The following NFIA variants were observed in gnomAD, a reference collection of about 807,000 sequenced individuals.
NFIA encodes the protein nuclear factor 1 A-type.
Under a neutral mutation model 62.8 loss-of-function variants are expected in NFIA, and 8 were observed. The ratio of observed to expected loss-of-function variants is 0.13; its 90% confidence interval spans 0.07 to 0.23. The LOEUF is 0.23. Ranked by LOEUF, NFIA falls within the 10% of genes least tolerant of loss-of-function variation. NFIA has a pLI of 1.00. For synonymous variants in NFIA, 235 were observed against 238.1 expected, an observed-to-expected ratio of 0.99 and a Z score of 0.12; for missense variants, 410 against 642.1, an observed-to-expected ratio of 0.64 and a Z score of 3.91.
intron 2 of NFIA, among the ~76,000 whole-genome samples, chr1:61,206,830 C>T (rs1378976667): frequency 6.6e-6 from 1 of 152,132 alleles, no homozygotes; most frequent in Admixed American, 6.6e-5. Context: ...TACCTCATGG[C>T]AGCACACACA....
intron 2 of NFIA, among the ~76,000 whole-genome samples, chr1:61,247,167 G>A (rs1557659811): frequency 1.3e-5 from 2 of 152,244 alleles, no homozygotes; most frequent in Admixed American, 1.3e-4. Flanking sequence ...CTCTTAAAAG[G>A]AGCTTACAAC....
chr1:61,317,839 C>G (rs943177874), intron 3 of NFIA, among the ~76,000 whole-genome samples: 7 of 152,044 alleles, frequency 4.6e-5, no homozygotes, highest in Admixed American at 3.9e-4. Context: ...TGAACACATT[C>G]TGTGTTCTAG....
At chr1:61,315,258 G>T (rs1354664301) in intron 3 of NFIA, among the ~76,000 whole-genome samples, 1 of 152,200 alleles carries the variant, frequency 6.6e-6, no homozygotes, top group Non-Finnish European at 1.5e-5. Context: ...GACACTGAGG[G>T]TCAGAAATGC....
At chr1:61,098,914 C>T (rs1192846418) in intron 2 of NFIA, among the ~76,000 whole-genome samples, 1 of 152,100 alleles carries the variant, frequency 6.6e-6, no homozygotes, top group Non-Finnish European at 1.5e-5. Flanking sequence ...ACACACAGTT[C>T]TATGTCTGTG....
chr1:61,144,016 T>C (rs1325730210), intron 2 of NFIA, among the ~76,000 whole-genome samples: 1 of 152,218 alleles, frequency 6.6e-6, no homozygotes, highest in Admixed American at 6.5e-5. Context: ...GTTTTTCAAA[T>C]ACAAAGCAGA....
intron 10 of NFIA, among the ~76,000 whole-genome samples, chr1:61,439,220 G>A (rs1324347304): frequency 1.3e-5 from 2 of 152,106 alleles, no homozygotes; most frequent in African/African-American, 4.8e-5. Flanking sequence ...CCTTGCTGCT[G>A]CATCAAGACC....
intron 7 of NFIA, among the ~76,000 whole-genome samples, chr1:61,393,750 CA>C (rs1294344188): frequency 6.6e-6 from 1 of 151,984 alleles, no homozygotes; most frequent in Non-Finnish European, 1.5e-5. Context: ...GCTGGGCAGG[CA>C]AAAATAATAG....
intron 2 of NFIA, among the ~76,000 whole-genome samples, chr1:61,174,115 A>G (rs186541057): frequency 1.3e-5 from 2 of 152,126 alleles, no homozygotes; most frequent in Non-Finnish European, 2.9e-5. Flanking sequence ...TTTGTCTCTC[A>G]TCTTTTCCCC....
At chr1:61,216,299 T>A (rs1653620319) in intron 2 of NFIA, among the ~76,000 whole-genome samples, 3 of 152,158 alleles carry the variant, frequency 2.0e-5, no homozygotes, top group Admixed American at 1.3e-4. Flanking sequence ...TTTAATGTCT[T>A]GGGATGCCCA....
At chr1:61,160,023 A>G (rs1649081103) in intron 2 of NFIA, among the ~76,000 whole-genome samples, 1 of 152,188 alleles carries the variant, frequency 6.6e-6, no homozygotes, top group African/African-American at 2.4e-5. Context: ...ATAAGGCAGC[A>G]AGGACATTTG....
At chr1:61,313,868 T>C (rs1029453808) in intron 3 of NFIA, among the ~76,000 whole-genome samples, 11 of 152,216 alleles carry the variant, frequency 7.2e-5, no homozygotes, top group African/African-American at 2.7e-4. Context: ...GTTAATTACA[T>C]TGCTTCAGTT....
intron 4 of NFIA, among the ~76,000 whole-genome samples, chr1:61,344,361 A>G (rs1403443727): frequency 3.9e-5 from 6 of 152,112 alleles, no homozygotes; most frequent in Non-Finnish European, 2.9e-5. Flanking sequence ...GGTCCATAGA[A>G]CTCTGTGCTG....
intron 10 of NFIA, among the ~76,000 whole-genome samples, chr1:61,427,344 A>T (rs2100555259): frequency 6.6e-6 from 1 of 152,346 alleles, no homozygotes; most frequent in African/African-American, 2.4e-5. Context: ...TGTGAAATAG[A>T]ATTAGATTCA....
At chr1:61,185,127 A>C (rs1450849577) in intron 2 of NFIA, among the ~76,000 whole-genome samples, 1 of 152,162 alleles carries the variant, frequency 6.6e-6, no homozygotes, top group Non-Finnish European at 1.5e-5. Flanking sequence ...TTAAACTTAC[A>C]TGCTTTATCT....
At chr1:61,313,193 T>C (rs1262545982) in intron 3 of NFIA, among the ~76,000 whole-genome samples, 2 of 152,142 alleles carry the variant, frequency 1.3e-5, no homozygotes, top group Non-Finnish European at 2.9e-5. Context: ...CCAGGTTGTT[T>C]GATGAACCAC....
chr1:61,291,582 G>A, intron 3 of NFIA, among the ~76,000 whole-genome samples: 1 of 152,194 alleles, frequency 6.6e-6, no homozygotes, highest in Admixed American at 6.5e-5. Flanking sequence ...GGAAACTGAG[G>A]CTTGGAAGTT....
chr1:61,411,399 CTT>C (rs1666096541), intron 9 of NFIA, among the ~76,000 whole-genome samples: 11 of 152,160 alleles, frequency 7.2e-5, no homozygotes, highest in Admixed American at 7.2e-4. Context: ...TGCCAGGTCT[CTT>C]TAGGATACTA....
intron 2 of NFIA, among the ~76,000 whole-genome samples, chr1:61,227,003 A>C (rs1033068148): frequency 6.6e-6 from 1 of 152,308 alleles, no homozygotes; most frequent in Non-Finnish European, 1.5e-5. Flanking sequence ...GCACAGCTAC[A>C]CTGACCGGTA....
At chr1:61,106,776 T>C (rs987585959) in intron 2 of NFIA, among the ~76,000 whole-genome samples, 2 of 151,626 alleles carry the variant, frequency 1.3e-5, no homozygotes, top group Admixed American at 1.3e-4. Context: ...TTTACCTGTG[T>C]GTTCTTTTCC....
Sources: allele counts gnomAD v4.1 joint callset (sites outside exome capture counted in the v4.1 genomes callset), GRCh38; gene constraint gnomAD v4.1.1; transcripts MANE v1.5; gene names NCBI Gene and HGNC (gene_info 2026-07-23, HGNC 2026-07-21).